Variants in POLDIP3 observed in about 807,000 individuals in gnomAD.
The protein encoded by POLDIP3 is polymerase delta-interacting protein 3.
POLDIP3 carries 14 observed loss-of-function variants against 45.1 expected under a neutral mutation model. The observed-to-expected ratio is 0.31, with a 90% CI of 0.20 to 0.49. POLDIP3 has a LOEUF of 0.49. Ranked by LOEUF, POLDIP3 falls within the 20% of genes least tolerant of loss-of-function variation. The probability of loss-of-function intolerance (pLI) is 0.99; values close to 1 mark genes in which losing one functional copy is unlikely to be tolerated. For missense variants in POLDIP3, 511 were observed against 538.8 expected, an observed-to-expected ratio of 0.95 and a Z score of 0.51; for synonymous variants, 223 against 205.2, an observed-to-expected ratio of 1.09 and a Z score of -0.74.
intron 4 of POLDIP3, 90 bp downstream of exon 4, chr22:42,599,608 A>C: frequency 9.7e-7 from 1 of 1,033,878 alleles, no homozygotes; most frequent in Admixed American, 2.0e-5. Flanking sequence ...ATGTCGTCTC[A>C]AAACAAAAAA....
intron 1 of POLDIP3, among the ~76,000 whole-genome samples, chr22:42,609,438 C>G (rs922298252): frequency 2.0e-5 from 3 of 152,158 alleles, no homozygotes; most frequent in Admixed American, 6.5e-5. Context: ...CTCTATACCC[C>G]CTACGGGAAC....
intron 1 of POLDIP3, among the ~76,000 whole-genome samples, chr22:42,614,446 C>G (rs557005412): frequency 1.3e-5 from 2 of 152,334 alleles, no homozygotes; most frequent in East Asian, 3.9e-4. Context: ...GCCGAGATCA[C>G]GGAGCGGGGC....
intron 6 of POLDIP3, among the ~76,000 whole-genome samples, chr22:42,593,269 AC>A (rs1465720039): frequency 1.3e-5 from 2 of 152,344 alleles, no homozygotes; most frequent in East Asian, 1.9e-4. Flanking sequence ...CAGATGCAGA[AC>A]CGACAGATAT....
Position 42,585,758 on chromosome 22 carries a change from C to T in POLDIP3, c.*33G>A, listed in dbSNP as rs1925265812. ...CTTGGGGAAACAGAGCCACCCTCCT[C>T]TGCCCCCACTTCTGGCTGCCTCACT... On this transcript the variant is annotated 3_prime_UTR_variant, in exon 9 of 9. Transcript: ENST00000252115. 1 of 1,597,022 alleles carries T rather than the reference C, an allele frequency of 6.3e-7. No homozygotes were observed. Among genetic ancestry groups the T allele is most frequent in the Non-Finnish European group, 8.5e-7 (1 of 1,171,372 alleles).
intron 1 of POLDIP3, among the ~76,000 whole-genome samples, chr22:42,610,154 G>A (rs1460471568): frequency 1.3e-5 from 2 of 152,034 alleles, no homozygotes; most frequent in East Asian, 1.9e-4. Flanking sequence ...AGCCTGGGCA[G>A]CAAGAGCAAA....
chr22:42,603,137 C>T lies in POLDIP3; in HGVS notation c.83G>A (p.Gly28Glu), dbSNP rs1446282512. 2 of 1,614,036 alleles carry T rather than the reference C, an allele frequency of 1.2e-6. No individual in the cohort carries two copies. The highest frequency in any genetic ancestry group is 2.2e-5 in the East Asian group (1 of 44,880). ...GATCCCAACTCGAGATCGGACACCT[C>T]CAACTCCCGGTCTGGCATTAAGCCT... Reference protein sequence around the residue: ...KGRLNARPGVGGVRSRVGIQQ... With the variant: ...KGRLNARPGVEGVRSRVGIQQ... Residue 28 changes from glycine to glutamate, a missense_variant, in exon 2 of 9, where the codon GGA becomes GAA. By Grantham distance (98) the Gly-to-Glu change is moderately conservative. Transcript: ENST00000252115.
intron 2 of POLDIP3, 92 bp from the exon 3 acceptor site, chr22:42,602,148 T>A (rs1192208974): frequency 6.3e-7 from 1 of 1,594,624 alleles, no homozygotes; most frequent in East Asian, 2.2e-5. Flanking sequence ...ATGGTGGGCA[T>A]GCAGCTTTGG....
Position 42,596,207 on chromosome 22 carries a change from G to A in POLDIP3, c.792C>T (p.Pro264=). ...SRTLVNKEEP[P]KELPAAEPVL... is the part of the protein sequence containing the mutation. ...TCACCTCAGCAGCTGGCAGCTCTTT[G>A]GGGGGTTCTTCCTTGTTCACCAGTG... Residue 264 remains proline, a synonymous_variant, in exon 5 of 9, where the codon CCC becomes CCT. Coordinates refer to ENST00000252115, the MANE Select transcript of POLDIP3 (RefSeq NM_032311.5). 1 of 1,614,098 alleles carries A rather than the reference G, an allele frequency of 6.2e-7. No individual in the cohort carries two copies. The highest frequency in any genetic ancestry group is 8.5e-7 in the Non-Finnish European group (1 of 1,180,008).
rs926003855 is a variant in POLDIP3 at position 42,584,413 on chromosome 22, T to C, written c.*1378A>G. 1.9e-5 allele frequency: 3 copies of C among 161,238 alleles called. No individual in the cohort carries two copies. Among genetic ancestry groups the C allele is most frequent in the African/African-American group, 7.2e-5 (3 of 41,470 alleles). The allele number at this position is 161,238 out of a possible 1,614,324, so 10.0% of individuals were successfully genotyped here. On this transcript the variant is annotated 3_prime_UTR_variant, in exon 9 of 9. Coordinates refer to ENST00000252115, the MANE Select transcript of POLDIP3 (RefSeq NM_032311.5). ...TGGAAACATGAGTCTCTGGTTTTTTTCACTGGGCTAGCCTCAAGCAAATCT... is the reference window on the plus strand; with the variant it reads ...TGGAAACATGAGTCTCTGGTTTTTTCCACTGGGCTAGCCTCAAGCAAATCT...
chr22:42,587,536 T>C lies in POLDIP3; in HGVS notation c.1058A>G (p.Asn353Ser). Residue 353 changes from asparagine to serine, a missense_variant, in exon 8 of 9, where the codon AAT (asparagine) becomes AGT (serine). Physicochemically the swap from Asn to Ser is conservative, Grantham distance 46. Around this residue, in one of 4 missense-constraint regions of POLDIP3, gnomAD observed 66 missense variants for 118.1 expected, o/e 0.56. Coordinates refer to ENST00000252115, the MANE Select transcript of POLDIP3 (RefSeq NM_032311.5). Reference protein sequence around the residue: ...PMKCNLHMNGNVITSDQPILL... With the variant: ...PMKCNLHMNGSVITSDQPILL... ...GATGGGCTGGTCTGAGGTGATAACA[T>C]TCCCATTCATGTGAAGGTTGCACTT... is the stretch of plus-strand genomic sequence containing the variant. The C allele has an allele frequency of 1.2e-6, 2 of 1,614,170 alleles. No individual in the cohort carries two copies. The highest frequency in any genetic ancestry group is 1.7e-6 in the Non-Finnish European group (2 of 1,180,012).
intron 6 of POLDIP3, among the ~76,000 whole-genome samples, chr22:42,594,178 T>G (rs572707972): frequency 6.6e-6 from 1 of 152,058 alleles, no homozygotes; most frequent in Non-Finnish European, 1.5e-5. Flanking sequence ...TAAGAATCAC[T>G]TGAACCCAGG....
chr22:42,614,745 C>G (rs1927373415), intron 1 of POLDIP3, 54 bp downstream of exon 1: 1 of 1,592,012 alleles, frequency 6.3e-7, no homozygotes, highest in African/African-American at 1.3e-5. Flanking sequence ...TCCCCCGCCT[C>G]GAGCTCCACT....
intron 7 of POLDIP3, among the ~76,000 whole-genome samples, chr22:42,587,790 G>C (rs990689907): frequency 3.3e-5 from 5 of 152,192 alleles, no homozygotes; most frequent in African/African-American, 1.2e-4. Context: ...AAGAGGCAAA[G>C]TGGCCACAAA....
At chr22:42,608,985 A>G (rs953537222) in intron 1 of POLDIP3, among the ~76,000 whole-genome samples, 4 of 152,156 alleles carry the variant, frequency 2.6e-5, no homozygotes, top group Non-Finnish European at 5.9e-5. Context: ...ACAGCTATTC[A>G]TCCCAGCAGG....
intron 1 of POLDIP3, among the ~76,000 whole-genome samples, chr22:42,608,678 C>T (rs533752112): frequency 1.3e-5 from 2 of 152,206 alleles, no homozygotes; most frequent in African/African-American, 2.4e-5. Context: ...GGGTGGTGCA[C>T]GCACTGAGAA....
Position 42,585,655 on chromosome 22 carries a change from A to C in POLDIP3, c.*136T>G, listed in dbSNP as rs771801637. 1.8e-5 allele frequency: 18 copies of C among 1,011,258 alleles called. No individual in the cohort carries two copies. The highest frequency in any genetic ancestry group is 3.3e-4 in the Middle Eastern group (1 of 3,004). 62.6% of individuals were successfully genotyped at this position (1,011,258 alleles called of 1,614,324 possible). ...ACAGAAAGGCGGGTCCCATCCAGTG[A>C]GGAAGCTCTTTATCCCTGGCAACCC... is the stretch of plus-strand genomic sequence containing the variant. On this transcript the variant is annotated 3_prime_UTR_variant, in exon 9 of 9. Transcript: ENST00000252115.
Position 42,588,759 on chromosome 22 carries a change from A to G in POLDIP3, c.1022-1187T>C, listed in dbSNP as rs543972202. 3.3e-5 allele frequency among the ~76,000 whole-genome samples: 5 copies of G among 151,886 alleles called. No homozygotes were observed. The East Asian group carries it at 9.9e-4, about 30-fold the overall frequency. On this transcript the variant is annotated intron_variant, in intron 7 of 8. Coordinates refer to ENST00000252115, the MANE Select transcript of POLDIP3 (RefSeq NM_032311.5). Reference sequence around the variant, plus strand: ...TTATCCTGCCTCAGCCTCCGGAGTAACTGGGATTACAGGCATGTACCACCA... The same window carrying G: ...TTATCCTGCCTCAGCCTCCGGAGTAGCTGGGATTACAGGCATGTACCACCA...
In POLDIP3 at chr22:42,585,370, T is replaced by C; in HGVS notation, c.*421A>G. 1 of 415,546 alleles carries C rather than the reference T, an allele frequency of 2.4e-6. No homozygotes were observed. Among genetic ancestry groups the C allele is most frequent in the Non-Finnish European group, 4.9e-6 (1 of 205,978 alleles). The allele number at this position is 415,546 out of a possible 1,614,324, so 25.7% of individuals were successfully genotyped here. ...CCATCCCCTCCATTGTTTGAAAAGCTTAATACACACAAAGGAAAGGCAGCC... is the reference window on the plus strand; with the variant it reads ...CCATCCCCTCCATTGTTTGAAAAGCCTAATACACACAAAGGAAAGGCAGCC... On this transcript the variant is annotated 3_prime_UTR_variant, in exon 9 of 9. Coordinates refer to ENST00000252115, the MANE Select transcript of POLDIP3 (RefSeq NM_032311.5).
At chr22:42,604,581 T>G (rs1036976830) in intron 1 of POLDIP3, among the ~76,000 whole-genome samples, 1 of 152,152 alleles carries the variant, frequency 6.6e-6, no homozygotes, top group Non-Finnish European at 1.5e-5. Flanking sequence ...TGCCTGGACC[T>G]CCCAGGAGGC....
Sources: allele counts gnomAD v4.1 joint callset (sites outside exome capture counted in the v4.1 genomes callset), GRCh38; gene constraint gnomAD v4.1.1; regional missense constraint gnomAD v4.1.1; transcripts MANE v1.5; gene names NCBI Gene and HGNC (gene_info 2026-07-23, HGNC 2026-07-21).